Variants in JADE3 observed in about 807,000 individuals in gnomAD.
JADE3 encodes the protein jade family PHD finger 3.
Under a neutral mutation model 50.1 loss-of-function variants are expected in JADE3, and 2 were observed. That is an observed-to-expected ratio of 0.04 (90% CI 0.02 to 0.13). The LOEUF is 0.13. Ranked by LOEUF, JADE3 falls within the 10% of genes least tolerant of loss-of-function variation. JADE3 has a pLI of 1.00. For missense variants in JADE3, 475 were observed against 634.4 expected, an observed-to-expected ratio of 0.75 and a Z score of 2.70; for synonymous variants, 218 against 232.9, an observed-to-expected ratio of 0.94 and a Z score of 0.58.
intron 8 of JADE3, among the ~76,000 whole-genome samples, chrX:47,043,750 C>T (rs1269323400): frequency 3.8e-5 from 4 of 105,103 alleles, no homozygotes; most frequent in African/African-American, 1.4e-4. Flanking sequence ...ACCTGGGAGG[C>T]GGAGCTTGCA....
intron 1 of JADE3, among the ~76,000 whole-genome samples, chrX:46,925,749 G>C (rs968903387): frequency 9.2e-6 from 1 of 108,612 alleles, no homozygotes; most frequent in African/African-American, 3.4e-5. Context: ...GCGTGAACCC[G>C]GGAGGCAGAG....
intron 3 of JADE3, among the ~76,000 whole-genome samples, chrX:46,996,245 C>G (rs1928126788): frequency 8.9e-6 from 1 of 111,836 alleles, no homozygotes; most frequent in East Asian, 2.8e-4. Flanking sequence ...CCATGTTGGC[C>G]AGGATGGTCT....
chrX:46,975,541 C>T (rs1408905546), intron 1 of JADE3, among the ~76,000 whole-genome samples: 7 of 110,078 alleles, frequency 6.4e-5, no homozygotes, highest in African/African-American at 2.0e-4. Context: ...ATAAATGTTT[C>T]CCTGTATACC....
rs146416007 is a variant in JADE3, at chrX:46,961,158, G to A, written c.-11-23726G>A. Among the ~76,000 whole-genome samples the A allele has an allele frequency of 4.2e-3, 467 of 112,017 alleles. 4 individuals carry two copies. The highest frequency in any genetic ancestry group is 0.014 in the African/African-American group (428 of 30,876). ...TAATATGATAATGGACTAGAAATTG[G>A]TGTTATCCACATTTTCCAAATTCCA... On this transcript the variant is annotated intron_variant, in intron 1 of 10. Coordinates refer to ENST00000614628, the MANE Select transcript of JADE3 (RefSeq NM_014735.5).
chrX:47,043,473 C>A (rs988509699), intron 8 of JADE3, among the ~76,000 whole-genome samples: 8 of 112,282 alleles, frequency 7.1e-5, no homozygotes, highest in African/African-American at 2.3e-4. Flanking sequence ...TCCAAGATAA[C>A]ACAGAGAAGG....
intron 3 of JADE3, among the ~76,000 whole-genome samples, chrX:46,986,666 A>G (rs1288376924): frequency 8.9e-6 from 1 of 111,869 alleles, no homozygotes; most frequent in Admixed American, 9.5e-5. Flanking sequence ...TGGTCTGTGA[A>G]GCTGTGATGG....
intron 6 of JADE3, among the ~76,000 whole-genome samples, chrX:47,030,318 G>A (rs1165870303): frequency 9.0e-6 from 1 of 111,299 alleles, no homozygotes; most frequent in Non-Finnish European, 1.9e-5. Flanking sequence ...TCTTAAAAAC[G>A]ATTCCGGTAA....
chrX:46,977,854 G>A (rs1291251091), intron 1 of JADE3, among the ~76,000 whole-genome samples: 1 of 111,500 alleles, frequency 9.0e-6, no homozygotes, highest in Non-Finnish European at 1.9e-5. Context: ...AGGGAGACTG[G>A]AAGAGTGTAA....
At chrX:46,930,059 G>A (rs1318194438) in intron 1 of JADE3, among the ~76,000 whole-genome samples, 2 of 112,354 alleles carry the variant, frequency 1.8e-5, no homozygotes, top group Non-Finnish European at 3.8e-5. Context: ...GCAACAAGAG[G>A]TGGAGTCTGT....
intron 1 of JADE3, among the ~76,000 whole-genome samples, chrX:46,977,453 A>G (rs1378471151): frequency 8.9e-6 from 1 of 112,098 alleles, no homozygotes; most frequent in East Asian, 2.8e-4. Flanking sequence ...ATCACCCCCA[A>G]AAGTTTCCCT....
intron 4 of JADE3, among the ~76,000 whole-genome samples, chrX:47,004,233 A>T (rs1556359818): frequency 9.0e-6 from 1 of 111,291 alleles, no homozygotes; most frequent in Non-Finnish European, 1.9e-5. Flanking sequence ...ACCTCTCATG[A>T]TATTTATATC....
At chrX:47,029,315 G>A (rs1928969697) in intron 6 of JADE3, among the ~76,000 whole-genome samples, 1 of 111,939 alleles carries the variant, frequency 8.9e-6, no homozygotes, top group South Asian at 3.7e-4. Flanking sequence ...TGTGTGTTCA[G>A]GCAGAGAGGA....
intron 7 of JADE3, among the ~76,000 whole-genome samples, chrX:47,036,014 C>T (rs1385538403): frequency 9.1e-6 from 1 of 110,160 alleles, no homozygotes; most frequent in Non-Finnish European, 1.9e-5. Context: ...TGTGGTGGTG[C>T]ATGCCTGTAG....
At chrX:47,031,503 C>T (rs1280082700) in intron 6 of JADE3, among the ~76,000 whole-genome samples, 1 of 110,076 alleles carries the variant, frequency 9.1e-6, no homozygotes, top group Non-Finnish European at 1.9e-5. Flanking sequence ...TTCTGTAGGC[C>T]AGGGTTAATT....
chrX:46,933,943 C>T (rs1395804694), intron 1 of JADE3, among the ~76,000 whole-genome samples: 1 of 110,272 alleles, frequency 9.1e-6, no homozygotes, highest in Non-Finnish European at 1.9e-5. Context: ...GTATTTTGCC[C>T]AAGTATTAGT....
intron 1 of JADE3, among the ~76,000 whole-genome samples, chrX:46,977,361 AAAC>A (rs1927649499): frequency 8.9e-6 from 1 of 111,946 alleles, no homozygotes; most frequent in South Asian, 3.7e-4. Context: ...TCTGTCTCAA[AAAC>A]AACAACAGCT....
At chrX:46,977,621 C>A (rs905428905) in intron 1 of JADE3, among the ~76,000 whole-genome samples, 3 of 111,969 alleles carry the variant, frequency 2.7e-5, no homozygotes, top group Non-Finnish European at 5.6e-5. Flanking sequence ...TTAAAATTAC[C>A]ACTTAATAAG....
chrX:46,944,543 G>T (rs1278032399), intron 1 of JADE3, among the ~76,000 whole-genome samples: 1 of 110,546 alleles, frequency 9.0e-6, no homozygotes, highest in East Asian at 2.9e-4. Context: ...CCTGACCTCA[G>T]ATGATCCACC....
intron 7 of JADE3, among the ~76,000 whole-genome samples, chrX:47,038,406 A>T (rs1353588742): frequency 9.0e-6 from 1 of 111,486 alleles, no homozygotes; most frequent in Non-Finnish European, 1.9e-5. Flanking sequence ...ACTAATTTAC[A>T]TTCCCACCAA....
Sources: allele counts gnomAD v4.1 joint callset (sites outside exome capture counted in the v4.1 genomes callset), GRCh38; gene constraint gnomAD v4.1.1; transcripts MANE v1.5; gene names NCBI Gene and HGNC (gene_info 2026-07-23, HGNC 2026-07-21).